UMOD: variants seen among roughly 807,000 people sequenced by gnomAD.
UMOD encodes the protein uromodulin, also known as Tamm-Horsfall urinary glycoprotein.
In UMOD, 64 loss-of-function variants were observed where a neutral mutation model predicts 66.0. The observed-to-expected ratio is 0.97, with a 90% confidence interval of 0.79 to 1.19. UMOD has a LOEUF of 1.19. UMOD is among the 50% of genes most tolerant of loss of function. The pLI, the probability that UMOD is intolerant of heterozygous loss-of-function variation, is 0.00. For missense variants in UMOD, 764 were observed against 850.9 expected, an observed-to-expected ratio of 0.90 and a Z score of 1.27; for synonymous variants, 398 against 352.7, an observed-to-expected ratio of 1.13 and a Z score of -1.44.
rs575596167 is a variant in UMOD, at chr16:20,334,032, CAAAAAAAA to C, written c.1862-665_1862-658del. On this transcript the variant is annotated intron_variant, in intron 10 of 10. Coordinates refer to ENST00000396138, the MANE Select transcript of UMOD (RefSeq NM_003361.4). The stretch of plus-strand genomic sequence containing the variant: ...CTGGGTGACAGAGCAGATTCCATCT[CAAAAAAAA>C]AAAAAAAAAAAAAAGCCAAGTTAGT... Among the ~76,000 whole-genome samples, 3 of 57,108 alleles carry C rather than the reference CAAAAAAAA, an allele frequency of 5.3e-5. No individual in the cohort carries two copies. The East Asian group carries it at 1.6e-3, about 31-fold the overall frequency. The allele number at this position is 57,108 out of a possible 152,430, so 37.5% of individuals were successfully genotyped here. A position where few individuals can be genotyped will look rare whatever the true frequency, so the allele number is the denominator to read the frequency against.
upstream of UMOD, among the ~76,000 whole-genome samples, chr16:20,354,948 G>A (rs1966008655): frequency 6.6e-6 from 1 of 152,054 alleles, no homozygotes; most frequent in African/African-American, 2.4e-5. Flanking sequence ...TCACCCCAAG[G>A]GACCAGGTAC....
intron 5 of UMOD, among the ~76,000 whole-genome samples, chr16:20,345,695 G>A (rs532598286): frequency 3.9e-5 from 6 of 151,996 alleles, no homozygotes; most frequent in South Asian, 4.2e-4. Context: ...GGAGGCCTCT[G>A]TAGGTGAGGT....
intron 10 of UMOD, among the ~76,000 whole-genome samples, 160 bp from the exon 11 acceptor site, chr16:20,333,535 G>A (rs1362473603): frequency 3.9e-5 from 6 of 152,202 alleles, no homozygotes; most frequent in Admixed American, 2.0e-4. Context: ...CCTGAAAAAG[G>A]TGGACCGATT....
chr16:20,338,493 C>CTTTTA (rs1212758719), intron 7 of UMOD, among the ~76,000 whole-genome samples: 1 of 152,092 alleles, frequency 6.6e-6, no homozygotes, highest in Non-Finnish European at 1.5e-5. Context: ...CCCTGCTGTA[C>CTTTTA]TTTTATTTTA....
At chr16:20,347,298 C>A (rs1462357626) in intron 4 of UMOD, among the ~76,000 whole-genome samples, 1 of 152,178 alleles carries the variant, frequency 6.6e-6, no homozygotes, top group African/African-American at 2.4e-5. Context: ...GCTGGGATTA[C>A]AGGCATGAGC....
intron 4 of UMOD, 133 bp from the exon 5 acceptor site, chr16:20,346,467 C>T: frequency 1.2e-6 from 1 of 862,096 alleles, no homozygotes. Context: ...GCTGATCTGT[C>T]CCCTCCCAAT....
rs1255618507 is a variant in UMOD, at chr16:20,338,898, G to A, written c.1578-1445C>T. 3.3e-5 allele frequency among the ~76,000 whole-genome samples: 5 copies of A among 151,962 alleles called. No individual in the cohort carries two copies. In the East Asian group the frequency reaches 7.7e-4, roughly 24 times the overall value. On this transcript the variant is annotated intron_variant, in intron 7 of 10. Transcript: ENST00000396138. The stretch of plus-strand genomic sequence containing the variant: ...CCTCAGCCTCCCAAGTAGCTGGGAT[G>A]ACAGGCGCCCACCACCATGCCTGTC...
chr16:20,352,873 G>T, upstream of UMOD: 1 of 576,436 alleles, frequency 1.7e-6, no homozygotes, highest in Non-Finnish European at 2.6e-6. Context: ...CTGTGAGGTT[G>T]TTGTTGTTCT....
upstream of UMOD, among the ~76,000 whole-genome samples, chr16:20,353,953 G>C (rs1055529473): frequency 1.3e-5 from 2 of 152,230 alleles, no homozygotes; most frequent in Non-Finnish European, 2.9e-5. Flanking sequence ...TCCCCTTCCT[G>C]TGTCCAAGTG....
intron 10 of UMOD, among the ~76,000 whole-genome samples, chr16:20,334,995 CTT>C (rs1964795675): frequency 6.6e-6 from 1 of 151,824 alleles, no homozygotes; most frequent in African/African-American, 2.4e-5. Context: ...ACCCAGCTAA[CTT>C]TTGTATTTTT....
intron 6 of UMOD, chr16:20,342,575 C>T (rs1965292111): frequency 6.6e-6 from 1 of 152,002 alleles, no homozygotes; most frequent in African/African-American, 2.4e-5. Flanking sequence ...GAGCAGAAAA[C>T]CATGGGCAAG....
chr16:20,352,190 T>C (rs1265383192), intron 1 of UMOD, among the ~76,000 whole-genome samples: 4 of 152,090 alleles, frequency 2.6e-5, no homozygotes, highest in Non-Finnish European at 4.4e-5. Context: ...ATTATCCTAG[T>C]TTGCAGATGA....
chr16:20,350,694 G>A lies in UMOD; in HGVS notation c.44C>T (p.Ala15Val). 1 of 1,614,098 alleles carries A rather than the reference G, an allele frequency of 6.2e-7. No homozygotes were observed. Among genetic ancestry groups the A allele is most frequent in the Non-Finnish European group, 8.5e-7 (1 of 1,180,016 alleles). The change falls in exon 2 of 11, where the codon GCC becomes GTC. Residue 15 changes from alanine to valine, a missense_variant. Ala to Val is a moderately conservative substitution (Grantham distance 64). Coordinates refer to ENST00000396138, the MANE Select transcript of UMOD (RefSeq NM_003361.4). ...GGCTGCAGTTGTGATGAACCAAGAG[G>A]CCACCACCACCATCAGCATCCAAGT... ...SLTWMLMVVVASWFITTAATD... is the reference protein window; with the variant it reads ...SLTWMLMVVVVSWFITTAATD...
intron 4 of UMOD, among the ~76,000 whole-genome samples, chr16:20,347,019 C>G (rs951345246): frequency 6.7e-6 from 1 of 148,732 alleles, no homozygotes; most frequent in Non-Finnish European, 1.5e-5. Flanking sequence ...ACTTCCCTCT[C>G]TCTCTCTTTT....
chr16:20,356,235 G>A (rs910907180), upstream of UMOD: 2 of 152,274 alleles, frequency 1.3e-5, no homozygotes, highest in Admixed American at 6.5e-5. Flanking sequence ...TTACGCCTGG[G>A]GGACCTGGAG....
At chr16:20,349,320 C>A in intron 2 of UMOD, 108 bp from the exon 3 acceptor site, 1 of 1,245,408 alleles carries the variant, frequency 8.0e-7, no homozygotes, top group South Asian at 1.3e-5. Context: ...GACTTATTCC[C>A]TAGAGGGCTC....
rs1964931055 is a variant in UMOD, at chr16:20,337,286, C to T, written c.1740+5G>A. 1 of 1,614,172 alleles carries T rather than the reference C, an allele frequency of 6.2e-7. No homozygotes were observed. The highest frequency in any genetic ancestry group is 8.5e-7 in the Non-Finnish European group (1 of 1,180,030). On this transcript the variant is annotated splice_donor_5th_base_variant and intron_variant, in intron 8 of 10. Coordinates refer to ENST00000396138, the MANE Select transcript of UMOD (RefSeq NM_003361.4). ...AGATGGGCTGGGGGAGGGGAGTCAA[C>T]TCACAGGCTTGCACTTTTCATTCAT... is the stretch of plus-strand genomic sequence containing the variant.
Position 20,349,675 on chromosome 16 carries a change from C to T in UMOD, c.89-463G>A, listed in dbSNP as rs1965793776. On this transcript the variant is annotated intron_variant, in intron 2 of 10. Transcript: ENST00000396138. ...AAGCTGTCTTCTTTTAAAATAGCCA[C>T]ATTCAGAAAAGTAATGCGCAGAATT... 4 of 1,462,900 alleles carry T rather than the reference C, an allele frequency of 2.7e-6. No individual in the cohort carries two copies. The South Asian group carries it at 4.4e-5, about 16-fold the overall frequency. The allele number at this position is 1,462,900 out of a possible 1,614,324, so 90.6% of individuals were successfully genotyped here.
In UMOD at chr16:20,350,638, C is replaced by G. The variant is rs781097651; in HGVS notation, c.88+12G>C. The G allele has an allele frequency of 6.2e-7, 1 of 1,614,154 alleles. No individual in the cohort carries two copies. The highest frequency in any genetic ancestry group is 2.2e-5 in the East Asian group (1 of 44,880). ...TACACACATATACAACGCACACACA[C>G]TTTTCACTTACTTGCTTCTGAGGTG... On this transcript the variant is annotated intron_variant, in intron 2 of 10. Transcript: ENST00000396138.
Sources: gnomAD v4.1 joint callset for allele counts (sites outside exome capture counted in the v4.1 genomes callset) on GRCh38, gnomAD v4.1.1 for gene constraint, MANE v1.5 for transcripts, NCBI Gene and HGNC (gene_info 2026-07-23, HGNC 2026-07-21) for gene names.